BTNL2: variants seen among roughly 807,000 people sequenced by gnomAD.
The protein encoded by BTNL2 is butyrophilin like 2, also known as butyrophilin-like protein 2.
In BTNL2, 46 loss-of-function variants were observed where a neutral mutation model predicts 46.8. The observed-to-expected ratio is 0.98, with a 90% CI of 0.78 to 1.26. BTNL2 has a LOEUF of 1.26. Ranked by LOEUF, BTNL2 falls within the 50% of genes most tolerant of loss-of-function variation. The pLI is 0.00. For missense variants in BTNL2, 461 were observed against 592.6 expected (o/e 0.78, Z 2.31); for synonymous variants, 226 against 229.1 (o/e 0.99, Z 0.12).
Position 32,394,663 on chromosome 6 carries a change from A to C in BTNL2, c.1360+81T>G. On this transcript the variant is annotated intron_variant, in intron 6 of 7. Transcript: ENST00000454136. This position sits in a 1 kb window ranked among gnomAD's most constrained non-coding sequence, Gnocchi z 4.6. ...ATCAGCAAATAAAAATCACAAAGGA[A>C]GAAGAGCAATACAATGAGTAAGTCT... 1.4e-6 allele frequency: 2 copies of C among 1,452,980 alleles called. No individual in the cohort carries two copies. Among genetic ancestry groups the C allele is most frequent in the Non-Finnish European group, 1.9e-6 (2 of 1,066,308 alleles). 90.0% of individuals were successfully genotyped at this position (1,452,980 alleles called of 1,614,324 possible). A position where few individuals can be genotyped will look rare whatever the true frequency, so the allele number is the denominator to read the frequency against.
In BTNL2 at chr6:32,396,385, A is replaced by C. The variant is rs1346936310; in HGVS notation, c.732T>G (p.Ala244=). 3 of 1,611,184 alleles carry C rather than the reference A, an allele frequency of 1.9e-6. No individual in the cohort carries two copies. The African/African-American group carries it at 4.0e-5, about 22-fold the overall frequency. Reference sequence around the variant, plus strand: ...GGGAAGGTCCATTCACTTTTAAAGAAGCTGTTAAATAGAGTGGACAAAACA... The same window carrying C: ...GGGAAGGTCCATTCACTTTTAAAGACGCTGTTAAATAGAGTGGACAAAACA... ...SLPEKLQTEL[A]SLKVNGPSQP... The change falls in exon 5 of 8, where the codon GCT becomes GCG. Residue 244 remains alanine, a splice_region_variant and synonymous_variant. Transcript: ENST00000454136. The surrounding 1 kb of genome is among the most constrained non-coding windows in gnomAD (Gnocchi z 4.4).
At position 32,393,928 on chromosome 6, in the gene BTNL2, C is replaced by A; in HGVS notation, c.*6+35G>T. 1.9e-6 allele frequency: 3 copies of A among 1,548,112 alleles called. No homozygotes were observed. Among genetic ancestry groups the A allele is most frequent in the Non-Finnish European group, 2.6e-6 (3 of 1,145,660 alleles). ...GAAGTACGCAGTACGGTTCCCACTG[C>A]AGTGTGCTCCGCTGTTTCTGTTTCC... On this transcript the variant is annotated intron_variant, in intron 7 of 7. Transcript: ENST00000454136. The surrounding 1 kb of genome is among the most constrained non-coding windows in gnomAD (Gnocchi z 4.8).
rs1776629747 is a variant in BTNL2, at chr6:32,399,536, A to C, written c.730+2249T>G. On this transcript the variant is annotated intron_variant, in intron 4 of 7. Coordinates refer to ENST00000454136, the MANE Select transcript of BTNL2 (RefSeq NM_001304561.2). The surrounding 1 kb of genome is among the most constrained non-coding windows in gnomAD (Gnocchi z 5.2). ...AAGATGAGAAAAATAGAGATGAATG[A>C]GCTGACAAAGTCACACATAAGTAAT... Among the ~76,000 whole-genome samples the C allele has an allele frequency of 6.6e-6, 1 of 152,236 alleles. No homozygotes were observed. Among genetic ancestry groups the C allele is most frequent in the South Asian group, 2.1e-4 (1 of 4,826 alleles).
At chr6:32,398,667 C>T (rs965096829) in intron 4 of BTNL2, among the ~76,000 whole-genome samples, 2 of 152,160 alleles carry the variant, frequency 1.3e-5, no homozygotes, top group African/African-American at 4.8e-5. Flanking sequence ...CATATTAGAT[C>T]TTAAACTGGC....
chr6:32,402,858 T>C, intron 3 of BTNL2, 77 bp downstream of exon 3: 1 of 1,416,488 alleles, frequency 7.1e-7, no homozygotes, highest in Non-Finnish European at 9.7e-7. Context: ...TTGATAAAAA[T>C]ACGAGGTGCT....
intron 3 of BTNL2, 106 bp downstream of exon 3, chr6:32,402,828 TA>T: frequency 8.6e-7 from 1 of 1,163,212 alleles, no homozygotes; most frequent in Non-Finnish European, 1.2e-6. Flanking sequence ...TACATATTGC[TA>T]TATGATAGAT....
In BTNL2 at chr6:32,403,155, C is replaced by A; in HGVS notation, c.489G>T (p.Val163=). 1 of 1,612,626 alleles carries A rather than the reference C, an allele frequency of 6.2e-7. No individual in the cohort carries two copies. Among genetic ancestry groups the A allele is most frequent in the South Asian group, 1.1e-5 (1 of 91,008 alleles). ...EGPGESGVQL[V]CTARGWFPEP... is the part of the protein sequence containing the mutation. Reference sequence around the variant, plus strand: ...CTGGGAACCAGCCCCTTGCAGTGCACACAAGCTGGACTCCACTCTCCCCAG... The same window carrying A: ...CTGGGAACCAGCCCCTTGCAGTGCAAACAAGCTGGACTCCACTCTCCCCAG... The change falls in exon 3 of 8, where the codon GTG becomes GTT. Residue 163 remains valine (V), a synonymous_variant. Coordinates refer to ENST00000454136, the MANE Select transcript of BTNL2 (RefSeq NM_001304561.2).
At chr6:32,405,818 GTTT>G (rs1033552860) in intron 1 of BTNL2, among the ~76,000 whole-genome samples, 13 of 128,024 alleles carry the variant, frequency 1.0e-4, no homozygotes, top group Non-Finnish European at 2.1e-4. Flanking sequence ...TTTTTTTTTT[GTTT>G]TTTTTTTGTT....
chr6:32,405,905 T>C (rs1265777753), intron 1 of BTNL2, among the ~76,000 whole-genome samples: 1 of 152,040 alleles, frequency 6.6e-6, no homozygotes, highest in Non-Finnish European at 1.5e-5. Context: ...CACAAGGACA[T>C]TTTGTGCTGG....
intron 4 of BTNL2, among the ~76,000 whole-genome samples, chr6:32,397,943 G>A (rs118113452): frequency 0.012 from 1,860 of 152,300 alleles, 69 homozygotes; most frequent in East Asian, 0.11. Flanking sequence ...ACACACACCA[G>A]TTGAATGTCC....
chr6:32,399,369 A>G lies in BTNL2; in HGVS notation c.730+2416T>C, dbSNP rs1776623560. On this transcript the variant is annotated intron_variant, in intron 4 of 7. Transcript: ENST00000454136. The surrounding 1 kb of genome is among the most constrained non-coding windows in gnomAD (Gnocchi z 5.2). ...TACACTGATTCCTTGAAACCTGATA[A>G]TCTCATCATCATACCACATAATCCT... Among the ~76,000 whole-genome samples the G allele has an allele frequency of 6.6e-6, 1 of 152,240 alleles. No homozygotes were observed. Among genetic ancestry groups the G allele is most frequent in the Non-Finnish European group, 1.5e-5 (1 of 68,048 alleles).
chr6:32,396,476 A>T lies in BTNL2; in HGVS notation c.731-90T>A. 2 of 1,285,772 alleles carry T rather than the reference A, an allele frequency of 1.6e-6. No homozygotes were observed. The highest frequency in any genetic ancestry group is 2.2e-6 in the Non-Finnish European group (2 of 917,508). 79.6% of individuals were successfully genotyped at this position (1,285,772 alleles called of 1,614,324 possible). The stretch of plus-strand genomic sequence containing the variant: ...AGAACAGCTCCATTGGAGTTTAGAA[A>T]CCATGAGCATCCCAGGGTTGCTGTG... On this transcript the variant is annotated intron_variant, in intron 4 of 7. Transcript: ENST00000454136. The surrounding 1 kb of genome is among the most constrained non-coding windows in gnomAD (Gnocchi z 4.4).
Position 32,403,164 on chromosome 6 carries a change from G to C in BTNL2, c.480C>G (p.Val160=). 1 of 1,612,280 alleles carries C rather than the reference G, an allele frequency of 6.2e-7. No homozygotes were observed. ...IHMEGPGESG[V]QLVCTARGWF... ...AGCCCCTTGCAGTGCACACAAGCTG[G>C]ACTCCACTCTCCCCAGGTCCCTCCA... Residue 160 remains valine (V), a synonymous_variant, in exon 3 of 8, where the codon GTC becomes GTG. Coordinates refer to ENST00000454136, the MANE Select transcript of BTNL2 (RefSeq NM_001304561.2).
In BTNL2 at chr6:32,401,677, G is replaced by A. The variant is rs117065092; in HGVS notation, c.730+108C>T. 0.014 allele frequency: 13,653 copies of A among 1,009,446 alleles called. 703 individuals are homozygous for A. In the East Asian group the frequency reaches 0.15, roughly 11 times the overall value. The allele number at this position is 1,009,446 out of a possible 1,614,324, so 62.5% of individuals were successfully genotyped here. A position where few individuals can be genotyped will look rare whatever the true frequency, so the allele number is the denominator to read the frequency against. On this transcript the variant is annotated intron_variant, in intron 4 of 7. Transcript: ENST00000454136. ...AATGAACATAGGACCTGGTAAAATC[G>A]TGCCTCAGTTTTTCCTCTGGGTCAC...
chr6:32,401,260 T>G (rs117420133), intron 4 of BTNL2, among the ~76,000 whole-genome samples: 1,526 of 126,882 alleles, frequency 0.012, 49 homozygotes, highest in East Asian at 0.098. Flanking sequence ...ACACTCACAG[T>G]ATCCCAGGTT....
In BTNL2 at chr6:32,394,432, G is replaced by T. The variant is rs1419169109; in HGVS notation, c.1360+312C>A. Among the ~76,000 whole-genome samples, 1 of 152,144 alleles carries T rather than the reference G, an allele frequency of 6.6e-6. No individual in the cohort carries two copies. Among genetic ancestry groups the T allele is most frequent in the Admixed American group, 6.5e-5 (1 of 15,286 alleles). ...CATGAGGGGGAAAACACAAAGTTCT[G>T]TAATTTAATTGTTTTCACATCAGAA... On this transcript the variant is annotated intron_variant, in intron 6 of 7. Transcript: ENST00000454136. This position sits in a 1 kb window ranked among gnomAD's most constrained non-coding sequence, Gnocchi z 4.6.
intron 4 of BTNL2, among the ~76,000 whole-genome samples, chr6:32,401,257 C>G (rs117103338): frequency 0.012 from 1,509 of 123,308 alleles, 50 homozygotes; most frequent in East Asian, 0.094. Context: ...GCTACACTCA[C>G]AGTATCCCAG....
At chr6:32,405,821 T>TTG (rs28383882) in intron 1 of BTNL2, among the ~76,000 whole-genome samples, 35,538 of 146,210 alleles carry the variant, frequency 0.24, 4,370 homozygotes, top group Non-Finnish European at 0.28. Context: ...TTTTTTTGTT[T>TTG]TTTTTTTGTT....
In BTNL2 at chr6:32,396,528, T is replaced by C. The variant is rs116925866; in HGVS notation, c.731-142A>G. On this transcript the variant is annotated intron_variant, in intron 4 of 7. Coordinates refer to ENST00000454136, the MANE Select transcript of BTNL2 (RefSeq NM_001304561.2). This position sits in a 1 kb window ranked among gnomAD's most constrained non-coding sequence, Gnocchi z 4.4. ...GGCTCAGGGTCATCCTTAGGTGAGG[T>C]GGGGGTTTCATGGACTCAGAATAGA... The C allele has an allele frequency of 0.021, 16,734 of 789,766 alleles. 934 individuals are homozygous for C. Among genetic ancestry groups the C allele is most frequent in the East Asian group, 0.17 (6,192 of 37,412 alleles). 48.9% of individuals were successfully genotyped at this position (789,766 alleles called of 1,614,324 possible).
Sources: gnomAD v4.1 joint callset for allele counts (sites outside exome capture counted in the v4.1 genomes callset) on GRCh38, gnomAD v4.1.1 for gene constraint, Gnocchi (gnomAD v3.1) non-coding constraint, MANE v1.5 for transcripts, NCBI Gene and HGNC (gene_info 2026-07-23, HGNC 2026-07-21) for gene names.